The following TENT4B variants were observed in gnomAD, a reference collection of about 807,000 sequenced individuals.
TENT4B encodes the protein terminal nucleotidyltransferase 4B, also known as PAP associated domain containing 5.
In TENT4B, 10 loss-of-function variants were observed where a neutral mutation model predicts 75.0. That is an observed-to-expected ratio of 0.13 (90% confidence interval 0.08 to 0.23). The LOEUF (loss-of-function observed/expected upper bound fraction) is 0.23, where lower values mean the gene tolerates loss of function less well. Among genes scored for constraint, TENT4B ranks in the 10% least tolerant of loss-of-function variants. The pLI is 1.00. For missense variants in TENT4B, 579 were observed against 893.8 expected, an observed-to-expected ratio of 0.65 and a Z score of 4.49; for synonymous variants, 350 against 357.7, an observed-to-expected ratio of 0.98 and a Z score of 0.24.
chr16:50,154,375 G>C, intron 1 of TENT4B, 116 bp downstream of exon 1: 1 of 1,331,926 alleles, frequency 7.5e-7, no homozygotes, highest in Non-Finnish European at 9.6e-7. Context: ...GCCTGCCTTC[G>C]CTGCTGTTGC....
Position 50,154,326 on chromosome 16 carries a change from G to C in TENT4B, c.638+67G>C, listed in dbSNP as rs1176914480. On this transcript the variant is annotated intron_variant, in intron 1 of 11. Coordinates refer to ENST00000561678, the MANE Select transcript of TENT4B (RefSeq NM_001365324.3). ...ATGCGCAGCCGGGCACACGCCCACA[G>C]AGGGGGGTTGTGAGGGTCTAGGAGC... 4.3e-6 allele frequency: 6 copies of C among 1,381,140 alleles called. No individual in the cohort carries two copies. The African/African-American group carries it at 9.1e-5, about 21-fold the overall frequency. The allele number at this position is 1,381,140 out of a possible 1,614,324, so 85.6% of individuals were successfully genotyped here. A position where few individuals can be genotyped will look rare whatever the true frequency, so the allele number is the denominator to read the frequency against.
chr16:50,185,183 A>G (rs1432735632), intron 1 of TENT4B, among the ~76,000 whole-genome samples: 1 of 152,194 alleles, frequency 6.6e-6, no homozygotes, highest in East Asian at 1.9e-4. Context: ...AAGTAATGAC[A>G]ATTTTCAGTT....
intron 1 of TENT4B, among the ~76,000 whole-genome samples, chr16:50,196,051 G>C (rs985998185): frequency 6.6e-6 from 1 of 152,148 alleles, no homozygotes; most frequent in African/African-American, 2.4e-5. Context: ...ACACAGATGT[G>C]CCTGCTAATA....
At position 50,153,493 on chromosome 16, in the gene TENT4B, G is replaced by A. The variant is rs1273394187; in HGVS notation, c.-129G>A. ...CGCCGCCCGCGGCGGGCCCCGAGCAGCAGCAGCAGCAGCAGCGGCAGCAGC... is the reference window on the plus strand; with the variant it reads ...CGCCGCCCGCGGCGGGCCCCGAGCAACAGCAGCAGCAGCAGCGGCAGCAGC... On this transcript the variant is annotated 5_prime_UTR_variant, in exon 1 of 12. Coordinates refer to ENST00000561678, the MANE Select transcript of TENT4B (RefSeq NM_001365324.3). 1 of 973,762 alleles carries A rather than the reference G, an allele frequency of 1.0e-6. No individual in the cohort carries two copies. Among genetic ancestry groups the A allele is most frequent in the Non-Finnish European group, 1.2e-6 (1 of 824,090 alleles). The allele number at this position is 973,762 out of a possible 1,614,324, so 60.3% of individuals were successfully genotyped here.
intron 10 of TENT4B, among the ~76,000 whole-genome samples, chr16:50,226,683 TG>T (rs1325883777): frequency 6.6e-6 from 1 of 152,236 alleles, no homozygotes; most frequent in Non-Finnish European, 1.5e-5. Context: ...CCCAAAGTGC[TG>T]GGATTACAGG....
intron 1 of TENT4B, among the ~76,000 whole-genome samples, chr16:50,190,759 A>T (rs1253511959): frequency 6.6e-6 from 1 of 152,084 alleles, no homozygotes. Context: ...GTTCAGTGGC[A>T]TTAAATACAT....
At chr16:50,181,970 A>G (rs1449467570) in intron 1 of TENT4B, among the ~76,000 whole-genome samples, 3 of 152,226 alleles carry the variant, frequency 2.0e-5, no homozygotes, top group African/African-American at 4.8e-5. Context: ...AACATCAAGA[A>G]TCATCAAGAG....
intron 5 of TENT4B, among the ~76,000 whole-genome samples, chr16:50,221,952 T>C (rs143034886): frequency 0.012 from 1,876 of 152,094 alleles, 20 homozygotes; most frequent in Middle Eastern, 0.054. Context: ...TTAGTAGAGA[T>C]AGGCGTTTCA....
At chr16:50,164,809 T>C (rs916326909) in intron 1 of TENT4B, among the ~76,000 whole-genome samples, 1 of 151,760 alleles carries the variant, frequency 6.6e-6, no homozygotes, top group Admixed American at 6.6e-5. Context: ...CTTGGCACTT[T>C]GGGAGGCTGA....
chr16:50,206,811 T>C (rs1157116864), intron 1 of TENT4B, among the ~76,000 whole-genome samples: 1 of 152,150 alleles, frequency 6.6e-6, no homozygotes, highest in African/African-American at 2.4e-5. Context: ...GCCAAAGATC[T>C]TGAACCTCCC....
intron 5 of TENT4B, 27 bp downstream of exon 5, chr16:50,217,690 A>T: frequency 7.7e-7 from 1 of 1,290,856 alleles, no homozygotes. Flanking sequence ...TTTATACAAC[A>T]AAACTATTAG....
intron 1 of TENT4B, among the ~76,000 whole-genome samples, chr16:50,157,047 T>C (rs554911779): frequency 8.5e-5 from 13 of 152,350 alleles, no homozygotes; most frequent in African/African-American, 2.4e-4. Context: ...CTCGATGTTA[T>C]GCTGTTCTGA....
At chr16:50,227,454 C>T (rs1166236314) in intron 10 of TENT4B, among the ~76,000 whole-genome samples, 1 of 152,228 alleles carries the variant, frequency 6.6e-6, no homozygotes, top group African/African-American at 2.4e-5. Flanking sequence ...TTTGTCATCA[C>T]AGACTCTCAG....
chr16:50,154,931 C>T (rs947316900), intron 1 of TENT4B, among the ~76,000 whole-genome samples: 1 of 152,140 alleles, frequency 6.6e-6, no homozygotes, highest in Non-Finnish European at 1.5e-5. Flanking sequence ...TAAGTTTAGG[C>T]TGGTGAAGGT....
chr16:50,210,279 C>T (rs771556125), intron 1 of TENT4B, among the ~76,000 whole-genome samples: 8 of 152,320 alleles, frequency 5.3e-5, no homozygotes, highest in African/African-American at 1.7e-4. Flanking sequence ...CTCTGTCCCC[C>T]GTCCTGACTA....
Position 50,228,010 on chromosome 16 carries a change from G to A in TENT4B, c.1965+7G>A. The A allele has an allele frequency of 6.2e-7, 1 of 1,611,880 alleles. No homozygotes were observed. The highest frequency in any genetic ancestry group is 1.6e-4 in the Middle Eastern group (1 of 6,062). The stretch of plus-strand genomic sequence containing the variant: ...CAGCACCAACAAATCTCAGGTGTGT[G>A]GAACGTGGGTTTTTAATTGTTAGTA... On this transcript the variant is annotated splice_region_variant and intron_variant, in intron 11 of 11. Coordinates refer to ENST00000561678, the MANE Select transcript of TENT4B (RefSeq NM_001365324.3).
At chr16:50,153,062 A>T (rs1286550544), upstream of TENT4B, 6 of 1,463,336 alleles carry the variant, frequency 4.1e-6, no homozygotes, top group Non-Finnish European at 4.5e-6. Context: ...AGATGGCGCA[A>T]GTACGGTTGG....
chr16:50,234,390 G>C lies in TENT4B; in HGVS notation c.*5062G>C. 2 of 985,452 alleles carry C rather than the reference G, an allele frequency of 2.0e-6. No homozygotes were observed. Among genetic ancestry groups the C allele is most frequent in the South Asian group, 9.4e-5 (2 of 21,288 alleles). The allele number at this position is 985,452 out of a possible 1,614,324, so 61.0% of individuals were successfully genotyped here. On this transcript the variant is annotated 3_prime_UTR_variant, in exon 12 of 12. Coordinates refer to ENST00000561678, the MANE Select transcript of TENT4B (RefSeq NM_001365324.3). ...GGTGAAGTTCAGTACTTGCCTCTTA[G>C]AGGTTAGGCCATGCCTTTCAAAGAG...
intron 1 of TENT4B, among the ~76,000 whole-genome samples, chr16:50,200,365 TAAAAA>T (rs565167649): frequency 7.6e-6 from 1 of 131,468 alleles, no homozygotes; most frequent in Admixed American, 7.7e-5. Context: ...GACCCTGACT[TAAAAA>T]AAAAAAGAGA....
Sources: allele counts gnomAD v4.1 joint callset (sites outside exome capture counted in the v4.1 genomes callset), GRCh38; gene constraint gnomAD v4.1.1; transcripts MANE v1.5; gene names NCBI Gene and HGNC (gene_info 2026-07-23, HGNC 2026-07-21).